The following EXD2 variants were observed in gnomAD, a reference collection of about 807,000 sequenced individuals.
EXD2 encodes exonuclease 3'-5' domain containing 2.
A neutral mutation model predicts 62.5 loss-of-function variants in EXD2; 40 were observed. The ratio of observed to expected loss-of-function variants is 0.64; its 90% CI spans 0.50 to 0.83. The LOEUF is 0.83. Ranked by LOEUF, EXD2 falls within the 40% of genes least tolerant of loss-of-function variation. EXD2 has a pLI of 0.00. For synonymous variants in EXD2, 239 were observed against 291.9 expected (o/e 0.82, Z 1.85); for missense variants, 671 against 761.8 (o/e 0.88, Z 1.40).
chr14:69,232,972 T>G (rs1442808017), intron 5 of EXD2, among the ~76,000 whole-genome samples: 2 of 152,238 alleles, frequency 1.3e-5, no homozygotes, highest in African/African-American at 4.8e-5. Context: ...TCATGATGAT[T>G]GGCTCCTATA....
intron 3 of EXD2, among the ~76,000 whole-genome samples, chr14:69,221,755 G>A (rs887014404): frequency 6.6e-6 from 1 of 151,266 alleles, no homozygotes; most frequent in East Asian, 1.9e-4. Flanking sequence ...GCAGCAAAGC[G>A]AGACCCTGTC....
At chr14:69,213,425 C>A (rs2042883618) in intron 3 of EXD2, among the ~76,000 whole-genome samples, 1 of 132,112 alleles carries the variant, frequency 7.6e-6, no homozygotes, top group African/African-American at 2.9e-5. Context: ...CTTTGTTGTG[C>A]AGTTGTGTGA....
intron 3 of EXD2, among the ~76,000 whole-genome samples, chr14:69,216,436 TTTC>T (rs2042990443): frequency 6.6e-6 from 1 of 152,158 alleles, no homozygotes; most frequent in Admixed American, 6.6e-5. Flanking sequence ...TACTCTACAT[TTTC>T]TTTTTTGTGA....
chr14:69,234,722 C>G lies in EXD2; in HGVS notation c.740C>G (p.Ala247Gly). 1.9e-6 allele frequency: 3 copies of G among 1,612,760 alleles called. No homozygotes were observed. Among genetic ancestry groups the G allele is most frequent in the Non-Finnish European group, 2.5e-6 (3 of 1,179,282 alleles). Residue 247 changes from alanine (A) to glycine (G), a missense_variant, in exon 6 of 10, where the codon GCC (alanine) becomes GGC (glycine). By Grantham distance (60) the Ala-to-Gly change is moderately conservative. Coordinates refer to ENST00000685843, the MANE Select transcript of EXD2 (RefSeq NM_001193360.2). ...EDQVIYAARD[A>G]QISVALFLHL... ...CAGGTAATTTATGCTGCCAGGGATG[C>G]CCAGATTTCAGTGGCTCTCTTTCTT... is the stretch of plus-strand genomic sequence containing the variant.
At chr14:69,206,845 G>C (rs1482769208) in intron 2 of EXD2, among the ~76,000 whole-genome samples, 1 of 152,018 alleles carries the variant, frequency 6.6e-6, no homozygotes, top group East Asian at 1.9e-4. Flanking sequence ...TTTCTTTTGG[G>C]GGCTTAACTG....
chr14:69,226,311 C>T (rs928458595), intron 3 of EXD2, among the ~76,000 whole-genome samples: 4 of 152,158 alleles, frequency 2.6e-5, no homozygotes, highest in African/African-American at 9.7e-5. Context: ...GGCTGAGCCT[C>T]AAGAAATAGA....
chr14:69,242,738 G>A lies in EXD2; in HGVS notation c.*1638G>A, dbSNP rs779360773. 1.3e-5 allele frequency: 2 copies of A among 152,214 alleles called. No homozygotes were observed. Among genetic ancestry groups the A allele is most frequent in the East Asian group, 3.8e-4 (2 of 5,204 alleles). 9.4% of individuals were successfully genotyped at this position (152,214 alleles called of 1,614,324 possible). The stretch of plus-strand genomic sequence containing the variant: ...GGAGGAGAGCCGTGGAAATAGACAG[G>A]GAGAGGCTGGTACTTGGGTTGTGGT... On this transcript the variant is annotated 3_prime_UTR_variant, in exon 10 of 10. Coordinates refer to ENST00000685843, the MANE Select transcript of EXD2 (RefSeq NM_001193360.2).
chr14:69,202,894 G>A (rs2042456702), intron 1 of EXD2, among the ~76,000 whole-genome samples: 1 of 152,194 alleles, frequency 6.6e-6, no homozygotes, highest in African/African-American at 2.4e-5. Flanking sequence ...TGAAGAACTT[G>A]ATTTGGCATC....
chr14:69,222,147 C>A (rs1373889314), intron 3 of EXD2, among the ~76,000 whole-genome samples: 1 of 151,348 alleles, frequency 6.6e-6, no homozygotes, highest in African/African-American at 2.4e-5. Flanking sequence ...AAATTTTACC[C>A]CATTTGGTAG....
intron 9 of EXD2, chr14:69,239,268 C>T (rs2043905821): frequency 6.6e-6 from 1 of 152,212 alleles, no homozygotes; most frequent in African/African-American, 2.4e-5. Flanking sequence ...GAGCTCTGGG[C>T]TACCATGCGC....
Position 69,241,045 on chromosome 14 carries a change from A to G in EXD2, c.1811A>G (p.Asn604Ser), listed in dbSNP as rs776335853. The part of the protein sequence containing the change: ...HLPQQWSVDH[N>S]HQKLLRKFGE... ...CCCCAGCAGTGGTCAGTGGACCACA[A>G]CCATCAGAAGCTGCTCCGGAAATTC... Residue 604 changes from asparagine (N) to serine (S), a missense_variant, in exon 10 of 10, where the codon AAC (asparagine) becomes AGC (serine). Coordinates refer to ENST00000685843, the MANE Select transcript of EXD2 (RefSeq NM_001193360.2). The G allele has an allele frequency of 5.6e-6, 9 of 1,612,932 alleles. No homozygotes were observed. Among genetic ancestry groups the G allele is most frequent in the Non-Finnish European group, 6.8e-6 (8 of 1,180,030 alleles).
chr14:69,230,780 T>G (rs1387636619), intron 5 of EXD2, among the ~76,000 whole-genome samples, 182 bp downstream of exon 5: 1 of 152,042 alleles, frequency 6.6e-6, no homozygotes, highest in Non-Finnish European at 1.5e-5. Context: ...AGGATAAGAG[T>G]CCTGCTTTTG....
chr14:69,220,253 GTTTTTTTTTTTTTTTTTTTT>G (rs869194045), intron 3 of EXD2, among the ~76,000 whole-genome samples: 2 of 35,112 alleles, frequency 5.7e-5, no homozygotes, highest in South Asian at 1.7e-3. Flanking sequence ...TTGTCTCTCT[GTTTTTTTTTTTTTTTTTTTT>G]TTTTTTTTTT....
At chr14:69,240,685 G>A (rs1303514306) in intron 9 of EXD2, among the ~76,000 whole-genome samples, 199 bp from the exon 10 acceptor site, 1 of 152,152 alleles carries the variant, frequency 6.6e-6, no homozygotes, top group Non-Finnish European at 1.5e-5. Context: ...AATACCTTCT[G>A]TTGGGATTGC....
At position 69,241,223 on chromosome 14, in the gene EXD2, C is replaced by G. The variant is rs1271104736; in HGVS notation, c.*123C>G. ...GTGTGACACAACTCAGAATACTAAC[C>G]TAGACTAATCCCAGGATGCTTCTGC... is the stretch of plus-strand genomic sequence containing the variant. On this transcript the variant is annotated 3_prime_UTR_variant, in exon 10 of 10. Transcript: ENST00000685843. 20 of 725,826 alleles carry G rather than the reference C, an allele frequency of 2.8e-5. No homozygotes were observed. Among genetic ancestry groups the G allele is most frequent in the Non-Finnish European group, 4.2e-5 (19 of 449,942 alleles). 45.0% of individuals were successfully genotyped at this position (725,826 alleles called of 1,614,324 possible).
rs2140236819 is a variant in EXD2 at position 69,209,919 on chromosome 14, C to G, written c.333+116C>G. Reference sequence around the variant, plus strand: ...TTAAAGGAGAATGAATTAGCTTGTTCTCAACTTGCTTATAAGCAGATTTTA... The same window carrying G: ...TTAAAGGAGAATGAATTAGCTTGTTGTCAACTTGCTTATAAGCAGATTTTA... On this transcript the variant is annotated intron_variant, in intron 3 of 9. Coordinates refer to ENST00000685843, the MANE Select transcript of EXD2 (RefSeq NM_001193360.2). 7.1e-6 allele frequency: 6 copies of G among 849,206 alleles called. No homozygotes were observed. The East Asian group carries it at 1.4e-4, about 20-fold the overall frequency. 52.6% of individuals were successfully genotyped at this position (849,206 alleles called of 1,614,324 possible).
chr14:69,230,318 G>T (rs921279353), intron 4 of EXD2, among the ~76,000 whole-genome samples, 154 bp from the exon 5 acceptor site: 1 of 152,164 alleles, frequency 6.6e-6, no homozygotes, highest in Non-Finnish European at 1.5e-5. Context: ...TTTATAAAGT[G>T]TTTCACAAAT....
intron 1 of EXD2, among the ~76,000 whole-genome samples, chr14:69,201,846 C>A (rs11849892): frequency 6.6e-6 from 1 of 151,952 alleles, no homozygotes; most frequent in Non-Finnish European, 1.5e-5. Context: ...CCACACCCGG[C>A]TAATTTTTGT....
At chr14:69,225,440 G>A (rs952764901) in intron 3 of EXD2, among the ~76,000 whole-genome samples, 2 of 152,164 alleles carry the variant, frequency 1.3e-5, no homozygotes, top group Admixed American at 1.3e-4. Flanking sequence ...CACTGGAACA[G>A]CAGAGTGTTA....
Sources: allele counts gnomAD v4.1 joint callset (sites outside exome capture counted in the v4.1 genomes callset), GRCh38; gene constraint gnomAD v4.1.1; transcripts MANE v1.5; gene names NCBI Gene and HGNC (gene_info 2026-07-23, HGNC 2026-07-21).